PARD3B: variants seen among roughly 807,000 people sequenced by gnomAD.
The protein encoded by PARD3B is partitioning defective 3 homolog B.
Under a neutral mutation model 130.2 loss-of-function variants are expected in PARD3B, and 103 were observed. The ratio of observed to expected loss-of-function variants is 0.79; its 90% confidence interval spans 0.67 to 0.93. PARD3B has a LOEUF of 0.93. Ranked by LOEUF, PARD3B falls within the 40% of genes least tolerant of loss-of-function variation. The pLI, the probability that PARD3B is intolerant of heterozygous loss-of-function variation, is 0.00. For synonymous variants in PARD3B, 583 were observed against 553.2 expected (o/e 1.05, Z -0.76); for missense variants, 1,609 against 1,499.2 (o/e 1.07, Z -1.21).
At chr2:205,603,436 T>C (rs1359904076) in intron 22 of PARD3B, among the ~76,000 whole-genome samples, 1 of 152,176 alleles carries the variant, frequency 6.6e-6, no homozygotes, top group Non-Finnish European at 1.5e-5. Context: ...ATCTGTCTAA[T>C]ATTGACAATG....
chr2:205,135,871 A>G (rs1163178904), intron 10 of PARD3B, among the ~76,000 whole-genome samples: 1 of 152,162 alleles, frequency 6.6e-6, no homozygotes, highest in East Asian at 1.9e-4. Context: ...ATCACATACT[A>G]TTCAATTCTT....
At chr2:205,040,945 G>C (rs140316419) in intron 3 of PARD3B, among the ~76,000 whole-genome samples, 18 of 152,154 alleles carry the variant, frequency 1.2e-4, no homozygotes, top group Admixed American at 9.2e-4. Context: ...ACAGGTTATC[G>C]TGTTAATCCC....
At chr2:205,302,855 T>G (rs1277508823) in intron 18 of PARD3B, among the ~76,000 whole-genome samples, 1 of 152,168 alleles carries the variant, frequency 6.6e-6, no homozygotes. Context: ...GAGCCTTACT[T>G]TCCTTACTTT....
chr2:204,659,592 A>G (rs1456655974), intron 1 of PARD3B, among the ~76,000 whole-genome samples: 1 of 152,146 alleles, frequency 6.6e-6, no homozygotes, highest in Non-Finnish European at 1.5e-5. Context: ...GAAAGATTAC[A>G]TGTTTCCCCC....
intron 19 of PARD3B, among the ~76,000 whole-genome samples, chr2:205,427,561 G>T (rs1462277305): frequency 6.6e-6 from 1 of 152,088 alleles, no homozygotes; most frequent in Admixed American, 6.6e-5. Context: ...GCTACCTTTT[G>T]TGTAACAAAG....
intron 21 of PARD3B, among the ~76,000 whole-genome samples, chr2:205,531,421 T>C (rs2051587778): frequency 6.6e-6 from 1 of 152,208 alleles, no homozygotes; most frequent in African/African-American, 2.4e-5. Flanking sequence ...CGCCTGGGCA[T>C]GCAAGCCTTC....
At chr2:205,045,808 TATATAAAC>T (rs1461147324) in intron 3 of PARD3B, among the ~76,000 whole-genome samples, 19 of 152,082 alleles carry the variant, frequency 1.2e-4, no homozygotes, top group African/African-American at 4.6e-4. Flanking sequence ...TACATATACA[TATATAAAC>T]ATATATATAT....
At chr2:205,518,222 T>TGTAGGTCTCTAA (rs1438345532) in intron 21 of PARD3B, among the ~76,000 whole-genome samples, 1 of 152,204 alleles carries the variant, frequency 6.6e-6, no homozygotes, top group Non-Finnish European at 1.5e-5. Flanking sequence ...TATGTGTCTT[T>TGTAGGTCTCTAA]GTAGGTCTCT....
chr2:205,152,399 T>G (rs990322125), intron 10 of PARD3B, among the ~76,000 whole-genome samples: 1 of 152,252 alleles, frequency 6.6e-6, no homozygotes, highest in African/African-American at 2.4e-5. Flanking sequence ...GGTATACCAA[T>G]CAGACACAGA....
intron 3 of PARD3B, among the ~76,000 whole-genome samples, chr2:205,018,785 T>C (rs1696370232): frequency 6.7e-6 from 1 of 150,032 alleles, no homozygotes; most frequent in Non-Finnish European, 1.5e-5. Context: ...TTTTGTTTCT[T>C]TCACCTATAG....
At chr2:204,993,815 T>G (rs2125249716) in intron 3 of PARD3B, among the ~76,000 whole-genome samples, 1 of 150,826 alleles carries the variant, frequency 6.6e-6, no homozygotes, top group Admixed American at 6.6e-5. Flanking sequence ...TGGGAGATTG[T>G]ATGTGTCGAG....
At chr2:204,800,739 G>T (rs907795570) in intron 2 of PARD3B, among the ~76,000 whole-genome samples, 1 of 152,076 alleles carries the variant, frequency 6.6e-6, no homozygotes, top group Non-Finnish European at 1.5e-5. Context: ...GTCAATTTTG[G>T]CTTTTGTTGC....
chr2:204,826,022 A>G (rs2043557091), intron 2 of PARD3B, among the ~76,000 whole-genome samples: 1 of 152,054 alleles, frequency 6.6e-6, no homozygotes, highest in Non-Finnish European at 1.5e-5. Flanking sequence ...CTCCAAAGTG[A>G]CTCCACTTCC....
chr2:204,888,914 G>A (rs1016803005), intron 2 of PARD3B, among the ~76,000 whole-genome samples: 2 of 152,114 alleles, frequency 1.3e-5, no homozygotes. Context: ...TTGTATATAA[G>A]CTAAAGAATT....
rs537322440 is a variant in PARD3B at position 205,416,820 on chromosome 2, A to G, written c.2741+15697A>G. Among the ~76,000 whole-genome samples the G allele has an allele frequency of 1.1e-4, 16 of 152,234 alleles. No individual in the cohort carries two copies. In the East Asian group the frequency reaches 3.1e-3, roughly 29 times the overall value. On this transcript the variant is annotated intron_variant, in intron 19 of 22. Coordinates refer to ENST00000406610, the MANE Select transcript of PARD3B (RefSeq NM_001302769.2). Reference sequence around the variant, plus strand: ...AGAAATAAGATTTCTTGGTCTTCTTACAAGGAGCTCAAAACTGCACTTCCA... The same window carrying G: ...AGAAATAAGATTTCTTGGTCTTCTTGCAAGGAGCTCAAAACTGCACTTCCA...
intron 3 of PARD3B, among the ~76,000 whole-genome samples, chr2:205,001,547 G>A (rs923183740): frequency 9.8e-5 from 15 of 152,320 alleles, no homozygotes; most frequent in Non-Finnish European, 1.6e-4. Flanking sequence ...GTCAGCTGAA[G>A]CTGCACCGTC....
intron 2 of PARD3B, among the ~76,000 whole-genome samples, chr2:204,825,492 A>G (rs1393645722): frequency 6.6e-6 from 1 of 152,216 alleles, no homozygotes; most frequent in Non-Finnish European, 1.5e-5. Flanking sequence ...TAGGTTTGCC[A>G]CAGCCGACTT....
intron 18 of PARD3B, among the ~76,000 whole-genome samples, chr2:205,333,362 T>C (rs982531641): frequency 6.6e-6 from 1 of 152,144 alleles, no homozygotes; most frequent in South Asian, 2.1e-4. Flanking sequence ...TGCTTATATA[T>C]TGAAATTATA....
At chr2:205,350,832 A>G (rs2043970327) in intron 18 of PARD3B, among the ~76,000 whole-genome samples, 1 of 152,208 alleles carries the variant, frequency 6.6e-6, no homozygotes, top group African/African-American at 2.4e-5. Flanking sequence ...GTTAAAGTAT[A>G]CATACTACCC....
Sources: gnomAD v4.1 joint callset for allele counts (sites outside exome capture counted in the v4.1 genomes callset) on GRCh38, gnomAD v4.1.1 for gene constraint, MANE v1.5 for transcripts, NCBI Gene and HGNC (gene_info 2026-07-23, HGNC 2026-07-21) for gene names.